Variants in HHAT observed in about 807,000 individuals in gnomAD.
The protein encoded by HHAT is protein-cysteine N-palmitoyltransferase HHAT.
Under a neutral mutation model 70.8 loss-of-function variants are expected in HHAT, and 47 were observed. The observed-to-expected ratio is 0.66, with a 90% confidence interval of 0.53 to 0.85. HHAT has a LOEUF of 0.85. Among genes scored for constraint, HHAT ranks in the 40% least tolerant of loss-of-function variants. HHAT has a pLI of 0.00. For synonymous variants in HHAT, 228 were observed against 247.6 expected (o/e 0.92, Z 0.74); for missense variants, 609 against 604.8 (o/e 1.01, Z -0.07).
intron 10 of HHAT, among the ~76,000 whole-genome samples, chr1:210,592,070 C>T (rs1379734440): frequency 1.3e-5 from 2 of 152,070 alleles, no homozygotes; most frequent in African/African-American, 4.8e-5. Flanking sequence ...GCTTGGTTGC[C>T]TGTGCCTATG....
intron 3 of HHAT, among the ~76,000 whole-genome samples, chr1:210,372,516 G>A (rs749416266): frequency 6.6e-6 from 1 of 152,204 alleles, no homozygotes; most frequent in Non-Finnish European, 1.5e-5. Context: ...TCTCCTACAA[G>A]TACAAACATT....
At chr1:210,410,026 T>C (rs1318387459) in intron 6 of HHAT, among the ~76,000 whole-genome samples, 1 of 151,642 alleles carries the variant, frequency 6.6e-6, no homozygotes, top group Non-Finnish European at 1.5e-5. Context: ...TGTCTGTTCT[T>C]CCTGCTGGGT....
At position 210,478,591 on chromosome 1, in the gene HHAT, T is replaced by C. The variant is rs79203814; in HGVS notation, c.1007+13936T>C. Among the ~76,000 whole-genome samples the C allele has an allele frequency of 5.9e-5, 9 of 152,206 alleles. No individual in the cohort carries two copies. The East Asian group carries it at 1.4e-3, about 23-fold the overall frequency. On this transcript the variant is annotated intron_variant, in intron 8 of 11. Transcript: ENST00000261458. ...GTGCTTCAGAGGAGAGGGAAGGATG[T>C]TAGGTGAGGTGGAGAGTGATTCTCT...
At chr1:210,489,887 T>A (rs897595377) in intron 8 of HHAT, among the ~76,000 whole-genome samples, 12 of 152,162 alleles carry the variant, frequency 7.9e-5, no homozygotes, top group Admixed American at 6.6e-4. Flanking sequence ...CCCAGTCCTT[T>A]GTGAAGGCCA....
chr1:210,387,110 C>G (rs867224501), intron 3 of HHAT, among the ~76,000 whole-genome samples: 1 of 152,046 alleles, frequency 6.6e-6, no homozygotes, highest in Non-Finnish European at 1.5e-5. Context: ...GAGTTCCTTA[C>G]GTCTCTGTTT....
chr1:210,547,477 G>A (rs1014480397), intron 9 of HHAT, among the ~76,000 whole-genome samples: 9 of 152,298 alleles, frequency 5.9e-5, no homozygotes, highest in East Asian at 3.9e-4. Context: ...ATGGAATCCC[G>A]TTAAGAAAGT....
chr1:210,510,820 CT>C (rs2094940246), intron 8 of HHAT, among the ~76,000 whole-genome samples: 1 of 152,208 alleles, frequency 6.6e-6, no homozygotes. Flanking sequence ...TTTTTCATTA[CT>C]GTTTCAGTGC....
At chr1:210,417,046 C>A (rs1227974133) in intron 6 of HHAT, among the ~76,000 whole-genome samples, 4 of 152,076 alleles carry the variant, frequency 2.6e-5, no homozygotes, top group Admixed American at 2.6e-4. Context: ...TTTACAACAA[C>A]ATCAAAAATA....
intron 6 of HHAT, among the ~76,000 whole-genome samples, chr1:210,412,081 G>A (rs570650376): frequency 3.9e-5 from 6 of 152,280 alleles, no homozygotes; most frequent in African/African-American, 1.4e-4. Flanking sequence ...GTGTGCTTTT[G>A]TGGTGGAAGG....
intron 7 of HHAT, among the ~76,000 whole-genome samples, chr1:210,425,294 G>C (rs184065574): frequency 6.6e-6 from 1 of 152,132 alleles, no homozygotes; most frequent in Non-Finnish European, 1.5e-5. Flanking sequence ...CCATTTTGTA[G>C]GTTGTCTGTT....
At chr1:210,642,054 T>C (rs1673078225) in intron 11 of HHAT, among the ~76,000 whole-genome samples, 1 of 152,252 alleles carries the variant, frequency 6.6e-6, no homozygotes, top group South Asian at 2.1e-4. Context: ...TTTGAATGTT[T>C]TGTTCCTAAC....
intron 3 of HHAT, among the ~76,000 whole-genome samples, chr1:210,383,722 G>A (rs997052971): frequency 1.3e-5 from 2 of 152,088 alleles, no homozygotes; most frequent in Admixed American, 1.3e-4. Flanking sequence ...AGGGGTCTAT[G>A]GGAATTCTCT....
Position 210,587,989 on chromosome 1 carries a change from C to T in HHAT, c.1135C>T (p.His379Tyr), listed in dbSNP as rs191150462. 24 of 1,614,146 alleles carry T rather than the reference C, an allele frequency of 1.5e-5. No individual in the cohort carries two copies. The Admixed American group carries it at 2.2e-4, about 15-fold the overall frequency. ...AMTFAFVSYW[H>Y]GGYDYLWCWA... ...GACATTTGCATTTGTGAGCTACTGG[C>T]ATGGCGGCTACGACTACCTCTGGTG... is the stretch of plus-strand genomic sequence containing the variant. The change falls in exon 10 of 12, where the codon CAT becomes TAT. Residue 379 changes from histidine (H) to tyrosine (Y), a missense_variant. His to Tyr is a moderately conservative substitution (Grantham distance 83). Coordinates refer to ENST00000261458, the MANE Select transcript of HHAT (RefSeq NM_018194.6).
intron 11 of HHAT, among the ~76,000 whole-genome samples, chr1:210,657,178 C>T (rs747583798): frequency 2.0e-5 from 3 of 152,200 alleles, no homozygotes; most frequent in Admixed American, 6.5e-5. Flanking sequence ...AATGGCTCCA[C>T]AGCCACCTAC....
intron 9 of HHAT, among the ~76,000 whole-genome samples, chr1:210,528,201 C>A (rs969009470): frequency 2.6e-5 from 4 of 152,312 alleles, no homozygotes; most frequent in Admixed American, 1.3e-4. Flanking sequence ...TGTCACAATG[C>A]ACCAGACCCA....
intron 9 of HHAT, among the ~76,000 whole-genome samples, chr1:210,577,280 TCA>T (rs780628646): frequency 1.6e-4 from 25 of 152,340 alleles, no homozygotes; most frequent in Non-Finnish European, 3.5e-4. Flanking sequence ...AAAAAGACTT[TCA>T]GTTTTTCAAT....
chr1:210,519,273 T>C (rs2095111728), intron 9 of HHAT, among the ~76,000 whole-genome samples: 1 of 152,208 alleles, frequency 6.6e-6, no homozygotes, highest in Admixed American at 6.5e-5. Flanking sequence ...TTGAGTTGAT[T>C]CCATCTCTTG....
At chr1:210,510,687 CTT>C (rs1015082852) in intron 8 of HHAT, among the ~76,000 whole-genome samples, 5 of 152,230 alleles carry the variant, frequency 3.3e-5, no homozygotes, top group Non-Finnish European at 5.9e-5. Context: ...TGATTTCCAG[CTT>C]TTTTTCTACT....
intron 3 of HHAT, among the ~76,000 whole-genome samples, chr1:210,369,097 A>T (rs1039721983): frequency 2.0e-4 from 30 of 152,142 alleles, no homozygotes; most frequent in Non-Finnish European, 2.1e-4. Context: ...GAAAGAAAAA[A>T]AAAAAGAATT....
Sources: allele counts gnomAD v4.1 joint callset (sites outside exome capture counted in the v4.1 genomes callset), GRCh38; gene constraint gnomAD v4.1.1; transcripts MANE v1.5; gene names NCBI Gene and HGNC (gene_info 2026-07-23, HGNC 2026-07-21).